Variants in PDLIM5 observed in about 807,000 individuals in gnomAD.
PDLIM5 encodes PDZ and LIM domain 5.
In PDLIM5, 34 loss-of-function variants were observed where a neutral mutation model predicts 64.2. That is an observed-to-expected ratio of 0.53 (90% CI 0.40 to 0.71). PDLIM5 has a LOEUF of 0.71. PDLIM5 is among the 30% of genes least tolerant of loss of function. PDLIM5 has a pLI of 0.00. For missense variants in PDLIM5, 683 were observed against 733.6 expected (o/e 0.93, Z 0.80); for synonymous variants, 253 against 269.1 (o/e 0.94, Z 0.59).
intron 2 of PDLIM5, among the ~76,000 whole-genome samples, chr4:94,462,094 G>T (rs1723942641): frequency 6.6e-6 from 1 of 152,108 alleles, no homozygotes; most frequent in Non-Finnish European, 1.5e-5. Flanking sequence ...TCGAACTCCT[G>T]ACCTTTGATC....
chr4:94,464,627 T>C (rs192455924), intron 2 of PDLIM5, among the ~76,000 whole-genome samples: 1 of 152,376 alleles, frequency 6.6e-6, no homozygotes, highest in East Asian at 1.9e-4. Context: ...AAAGAAATTA[T>C]ATCTAGCTAG....
intron 2 of PDLIM5, among the ~76,000 whole-genome samples, chr4:94,495,623 A>G (rs1727316879): frequency 6.6e-6 from 1 of 152,166 alleles, no homozygotes; most frequent in African/African-American, 2.4e-5. Context: ...CTGAGCTGTA[A>G]CTGGAATGGT....
At chr4:94,452,151 C>T (rs1482889438) in intron 1 of PDLIM5, among the ~76,000 whole-genome samples, 156 bp downstream of exon 1, 3 of 152,064 alleles carry the variant, frequency 2.0e-5, no homozygotes, top group Non-Finnish European at 4.4e-5. Flanking sequence ...GCTTTCTGGG[C>T]GCGGAGCGGC....
intron 10 of PDLIM5, 74 bp downstream of exon 10, chr4:94,654,714 C>A (rs1301887475): frequency 5.3e-6 from 5 of 938,266 alleles, no homozygotes; most frequent in Admixed American, 4.4e-5. Context: ...AGTCTTCTAT[C>A]ACTTTAACTT....
intron 2 of PDLIM5, among the ~76,000 whole-genome samples, chr4:94,465,167 G>A (rs1281124656): frequency 6.6e-6 from 1 of 151,996 alleles, no homozygotes; most frequent in Non-Finnish European, 1.5e-5. Flanking sequence ...CATCCCTAAA[G>A]CCCTATCTCT....
At chr4:94,619,923 A>G (rs556035168) in intron 8 of PDLIM5, among the ~76,000 whole-genome samples, 1 of 152,164 alleles carries the variant, frequency 6.6e-6, no homozygotes, top group African/African-American at 2.4e-5. Context: ...ATGCTTGGCC[A>G]GCAGCAAGTG....
At chr4:94,660,755 T>A (rs1742632500) in intron 11 of PDLIM5, among the ~76,000 whole-genome samples, 1 of 152,098 alleles carries the variant, frequency 6.6e-6, no homozygotes, top group Non-Finnish European at 1.5e-5. Context: ...TTAATCGAGT[T>A]GCAAATTATA....
Position 94,586,427 on chromosome 4 carries a change from T to G in PDLIM5, c.903T>G (p.Asp301Glu). The stretch of plus-strand genomic sequence containing the variant: ...TTTCAGTGAAAGAATCTGAAGCCGA[T>G]AATACAAAGAAGGCAAAGTAAGTTC... ...GTEHLKESEA[D>E]NTKKANNSQE... The change falls in exon 7 of 13, where the codon GAT becomes GAG. Residue 301 changes from aspartate to glutamate, a missense_variant. By Grantham distance (45) the Asp-to-Glu change is conservative. Coordinates refer to ENST00000317968, the MANE Select transcript of PDLIM5 (RefSeq NM_006457.5). 1 of 1,522,950 alleles carries G rather than the reference T, an allele frequency of 6.6e-7. No individual in the cohort carries two copies. The highest frequency in any genetic ancestry group is 1.1e-5 in the South Asian group (1 of 87,110). The allele number at this position is 1,522,950 out of a possible 1,614,324, so 94.3% of individuals were successfully genotyped here.
At chr4:94,495,812 C>T (rs1727339409) in intron 2 of PDLIM5, among the ~76,000 whole-genome samples, 1 of 152,144 alleles carries the variant, frequency 6.6e-6, no homozygotes, top group Non-Finnish European at 1.5e-5. Context: ...AGAGAGTTTT[C>T]AATTTTCATG....
chr4:94,583,334 A>G (rs1172811231), intron 5 of PDLIM5, among the ~76,000 whole-genome samples: 2 of 152,096 alleles, frequency 1.3e-5, no homozygotes, highest in Admixed American at 6.5e-5. Flanking sequence ...TCATTCTATT[A>G]TTCGTGATAT....
chr4:94,591,904 T>C (rs993212171), intron 7 of PDLIM5, among the ~76,000 whole-genome samples: 1 of 152,252 alleles, frequency 6.6e-6, no homozygotes, highest in Non-Finnish European at 1.5e-5. Flanking sequence ...AGACCTCAGT[T>C]GCACAGGTTC....
chr4:94,587,597 A>G, intron 7 of PDLIM5: 1 of 972,420 alleles, frequency 1.0e-6, no homozygotes, highest in Non-Finnish European at 1.2e-6. Flanking sequence ...TTTATTAAAG[A>G]AGAGTGCGTG....
chr4:94,639,995 C>T (rs1004575563), intron 8 of PDLIM5, among the ~76,000 whole-genome samples: 2 of 151,882 alleles, frequency 1.3e-5, no homozygotes, highest in Non-Finnish European at 2.9e-5. Context: ...CCATTGCACT[C>T]CAGCCTGGGC....
chr4:94,551,629 G>T (rs1732816017), intron 3 of PDLIM5, among the ~76,000 whole-genome samples: 1 of 152,014 alleles, frequency 6.6e-6, no homozygotes, highest in Non-Finnish European at 1.5e-5. Flanking sequence ...TTGGAAGAAG[G>T]AGTCACTTTT....
intron 3 of PDLIM5, among the ~76,000 whole-genome samples, chr4:94,533,286 A>G (rs772783157): frequency 6.6e-6 from 1 of 152,168 alleles, no homozygotes; most frequent in African/African-American, 2.4e-5. Context: ...TTGACTTTAC[A>G]TCTTGAAAGT....
intron 2 of PDLIM5, among the ~76,000 whole-genome samples, chr4:94,523,196 C>T (rs996359912): frequency 1.3e-5 from 2 of 152,166 alleles, no homozygotes; most frequent in African/African-American, 4.8e-5. Context: ...GATATTTGGG[C>T]TTGGAATCTG....
intron 5 of PDLIM5, chr4:94,577,150 T>C (rs942609413): frequency 2.2e-6 from 1 of 453,308 alleles, no homozygotes; most frequent in Admixed American, 2.4e-5. Flanking sequence ...GTGACAAAAA[T>C]GTACCTTAAA....
intron 2 of PDLIM5, among the ~76,000 whole-genome samples, chr4:94,475,865 A>G (rs565161130): frequency 6.6e-6 from 1 of 152,266 alleles, no homozygotes; most frequent in Non-Finnish European, 1.5e-5. Flanking sequence ...ACTAAATTGA[A>G]CAGATTTACC....
chr4:94,452,464 G>C (rs1415327311), intron 1 of PDLIM5, among the ~76,000 whole-genome samples: 1 of 152,210 alleles, frequency 6.6e-6, no homozygotes, highest in African/African-American at 2.4e-5. Context: ...AGGCGCGTTA[G>C]TTTTTCTTTG....
Sources: allele counts gnomAD v4.1 joint callset (sites outside exome capture counted in the v4.1 genomes callset), GRCh38; gene constraint gnomAD v4.1.1; transcripts MANE v1.5; gene names NCBI Gene and HGNC (gene_info 2026-07-23, HGNC 2026-07-21).